TACR1: variants seen among roughly 807,000 people sequenced by gnomAD.
TACR1 encodes the protein tachykinin receptor 1, also known as substance-P receptor.
In TACR1, 25 loss-of-function variants were observed where a neutral mutation model predicts 35.8. The observed-to-expected ratio is 0.70, with a 90% CI of 0.51 to 0.98. The LOEUF (loss-of-function observed/expected upper bound fraction) is 0.98. Among genes scored for constraint, TACR1 ranks in the 50% least tolerant of loss-of-function variants. The probability of loss-of-function intolerance (pLI) is 0.00; values close to 1 mark genes in which losing one functional copy is unlikely to be tolerated. For missense variants in TACR1, 478 were observed against 522.9 expected (o/e 0.91, Z 0.84); for synonymous variants, 195 against 206.7 (o/e 0.94, Z 0.48).
Position 75,152,037 on chromosome 2 carries a change from G to C in TACR1, c.390-31269C>G, listed in dbSNP as rs113550257. Among the ~76,000 whole-genome samples, 648 of 152,302 alleles carry C rather than the reference G, an allele frequency of 4.3e-3. 3 individuals carry two copies. Among genetic ancestry groups the C allele is most frequent in the African/African-American group, 0.015 (612 of 41,560 alleles). On this transcript the variant is annotated intron_variant, in intron 1 of 4. Transcript: ENST00000305249. ...GAATGGCTGTATTTACCCAATATCT[G>C]TACCCCCATTGTGTCTAGGCAGTAA...
chr2:75,179,993 A>G (rs921840440), intron 1 of TACR1, among the ~76,000 whole-genome samples: 2 of 152,024 alleles, frequency 1.3e-5, no homozygotes, highest in South Asian at 2.1e-4. Flanking sequence ...ACTCACTCCA[A>G]TCCTGACTCA....
At chr2:75,052,351 C>CTTTA (rs1672485568) in intron 3 of TACR1, among the ~76,000 whole-genome samples, 2 of 152,170 alleles carry the variant, frequency 1.3e-5, no homozygotes, top group South Asian at 4.1e-4. Flanking sequence ...GATCTTGGGC[C>CTTTA]TTTCAGCCAC....
intron 1 of TACR1, among the ~76,000 whole-genome samples, chr2:75,159,050 CTT>C (rs61311422): frequency 8.0e-5 from 12 of 150,190 alleles, no homozygotes; most frequent in Non-Finnish European, 4.4e-5. Flanking sequence ...TTATTGGTAC[CTT>C]TTTTTTTTAA....
chr2:75,098,874 T>A (rs1673475239), intron 2 of TACR1, among the ~76,000 whole-genome samples: 1 of 152,188 alleles, frequency 6.6e-6, no homozygotes, highest in Non-Finnish European at 1.5e-5. Context: ...GGCTGCTTCC[T>A]GAGAATATGT....
At chr2:75,054,386 G>A (rs1672533208) in intron 2 of TACR1, among the ~76,000 whole-genome samples, 1 of 152,146 alleles carries the variant, frequency 6.6e-6, no homozygotes, top group African/African-American at 2.4e-5. Context: ...TTAGTGGGTG[G>A]GTGAAAGCCA....
At chr2:75,132,057 G>A (rs1351074400) in intron 1 of TACR1, among the ~76,000 whole-genome samples, 1 of 152,048 alleles carries the variant, frequency 6.6e-6, no homozygotes, top group African/African-American at 2.4e-5. Context: ...GCTCCTATGG[G>A]GTGCACAATT....
chr2:75,183,899 A>G (rs762325124), intron 1 of TACR1, among the ~76,000 whole-genome samples: 1 of 152,234 alleles, frequency 6.6e-6, no homozygotes, highest in Non-Finnish European at 1.5e-5. Context: ...GAGTAAACAG[A>G]GAAAAATAAG....
At chr2:75,062,266 G>A (rs1413769467) in intron 2 of TACR1, among the ~76,000 whole-genome samples, 1 of 151,862 alleles carries the variant, frequency 6.6e-6, no homozygotes, top group East Asian at 1.9e-4. Flanking sequence ...ACTCATCGTC[G>A]ATTTGAAAAT....
Position 75,092,229 on chromosome 2 carries a change from C to T in TACR1, c.584+28345G>A, listed in dbSNP as rs549902270. Among the ~76,000 whole-genome samples, 8 of 152,206 alleles carry T rather than the reference C, an allele frequency of 5.3e-5. No individual in the cohort carries two copies. In the South Asian group the frequency reaches 1.0e-3, roughly 20 times the overall value. On this transcript the variant is annotated intron_variant, in intron 2 of 4. Coordinates refer to ENST00000305249, the MANE Select transcript of TACR1 (RefSeq NM_001058.4). The stretch of plus-strand genomic sequence containing the variant: ...ACATTCTGAGTTGCCTTTCCTCACA[C>T]GGTGCTAAGCCTCACTGGTTCCTAC...
At chr2:75,164,902 A>G (rs1675102538) in intron 1 of TACR1, among the ~76,000 whole-genome samples, 1 of 152,228 alleles carries the variant, frequency 6.6e-6, no homozygotes, top group African/African-American at 2.4e-5. Flanking sequence ...GAAGCCATAG[A>G]TAGAGCAAAG....
chr2:75,117,825 A>C (rs1484565812), intron 2 of TACR1, among the ~76,000 whole-genome samples: 1 of 152,202 alleles, frequency 6.6e-6, no homozygotes, highest in Non-Finnish European at 1.5e-5. Context: ...AATTTATTGA[A>C]AATTATACTG....
intron 2 of TACR1, among the ~76,000 whole-genome samples, chr2:75,072,896 T>A (rs2103818841): frequency 6.6e-6 from 1 of 152,380 alleles, no homozygotes; most frequent in Non-Finnish European, 1.5e-5. Context: ...TGAGGATTGA[T>A]GTAGATTTTT....
rs1414381350 is a variant in TACR1 at position 75,049,642 on chromosome 2, G to A, written c.1014C>T (p.Ser338=). The A allele has an allele frequency of 6.2e-7, 1 of 1,614,146 alleles. No homozygotes were observed. Among genetic ancestry groups the A allele is most frequent in the Non-Finnish European group, 8.5e-7 (1 of 1,180,032 alleles). Reference sequence around the variant, plus strand: ...TGCCCTGGGTCTGGAGATACCGGGTGGATTTCATTTCCAGCCCCTCATAGT... The same window carrying A: ...TGCCCTGGGTCTGGAGATACCGGGTAGATTTCATTTCCAGCCCCTCATAGT... ...AGDYEGLEMK[S]TRYLQTQGSV... is the part of the protein sequence containing the mutation. Residue 338 remains serine, a synonymous_variant, in exon 5 of 5, where the codon TCC becomes TCT. Transcript: ENST00000305249.
At chr2:75,115,307 C>T (rs187304916) in intron 2 of TACR1, among the ~76,000 whole-genome samples, 3 of 152,084 alleles carry the variant, frequency 2.0e-5, no homozygotes, top group Admixed American at 1.3e-4. Context: ...TTTCCCCCAT[C>T]AGATGGGTAA....
chr2:75,055,619 T>C (rs1057256488), intron 2 of TACR1, among the ~76,000 whole-genome samples: 2 of 152,222 alleles, frequency 1.3e-5, no homozygotes, highest in Non-Finnish European at 1.5e-5. Context: ...AGACTAATAG[T>C]TTGTGACCAA....
intron 2 of TACR1, among the ~76,000 whole-genome samples, chr2:75,071,014 A>G (rs889605702): frequency 6.6e-6 from 1 of 152,246 alleles, no homozygotes; most frequent in African/African-American, 2.4e-5. Flanking sequence ...AAAATTACAA[A>G]ATTCAAGTGT....
intron 1 of TACR1, among the ~76,000 whole-genome samples, chr2:75,192,773 G>T (rs1407249007): frequency 6.6e-6 from 1 of 152,174 alleles, no homozygotes; most frequent in Admixed American, 6.5e-5. Context: ...CGCTCTTCCA[G>T]GTTGAAACAG....
chr2:75,101,698 A>G (rs1673536139), intron 2 of TACR1, among the ~76,000 whole-genome samples: 1 of 152,332 alleles, frequency 6.6e-6, no homozygotes, highest in Admixed American at 6.5e-5. Flanking sequence ...CTGTAATCCC[A>G]GCACTTTGGG....
chr2:75,182,808 G>A (rs539560184), intron 1 of TACR1, among the ~76,000 whole-genome samples: 1 of 152,264 alleles, frequency 6.6e-6, no homozygotes, highest in East Asian at 1.9e-4. Context: ...CATGATGTTT[G>A]CACAATGACA....
Sources: allele counts gnomAD v4.1 joint callset (sites outside exome capture counted in the v4.1 genomes callset), GRCh38; gene constraint gnomAD v4.1.1; transcripts MANE v1.5; gene names NCBI Gene and HGNC (gene_info 2026-07-23, HGNC 2026-07-21).